Variants in EPHB2 observed in about 807,000 individuals in gnomAD.
EPHB2 encodes ephrin type-B receptor 2.
EPHB2 carries 18 observed loss-of-function variants against 96.4 expected under a neutral mutation model. That is an observed-to-expected ratio of 0.19 (90% CI 0.13 to 0.28). EPHB2 has a LOEUF of 0.28. EPHB2 is among the 10% of genes least tolerant of loss of function. The pLI is 1.00. For synonymous variants in EPHB2, 506 were observed against 534.1 expected (o/e 0.95, Z 0.72); for missense variants, 989 against 1,355.4 (o/e 0.73, Z 4.25).
chr1:22,908,923 T>G, intron 12 of EPHB2, 99 bp from the exon 13 acceptor site: 975 of 1,532,162 alleles, frequency 6.4e-4, no homozygotes, highest in Non-Finnish European at 7.8e-4. Flanking sequence ...AGGTGCCTCA[T>G]GAGATTGGGG....
chr1:22,911,471 C>T (rs989931950), intron 14 of EPHB2, among the ~76,000 whole-genome samples: 1 of 152,156 alleles, frequency 6.6e-6, no homozygotes, highest in Non-Finnish European at 1.5e-5. Context: ...CCCATCTGTG[C>T]CCCCACACTG....
chr1:22,856,257 G>T (rs576574562), intron 3 of EPHB2, among the ~76,000 whole-genome samples: 1 of 152,248 alleles, frequency 6.6e-6, no homozygotes, highest in East Asian at 1.9e-4. Context: ...GTCCTGCCTC[G>T]GCCTGACTCA....
At chr1:22,892,446 TG>T (rs1181722446) in intron 6 of EPHB2, among the ~76,000 whole-genome samples, 4 of 152,352 alleles carry the variant, frequency 2.6e-5, no homozygotes, top group South Asian at 4.1e-4. Flanking sequence ...TTTATGTCTG[TG>T]GGTCAATAGG....
chr1:22,864,836 C>T (rs1638410912), intron 4 of EPHB2, 41 bp from the exon 5 acceptor site: 3 of 1,352,390 alleles, frequency 2.2e-6, no homozygotes, highest in Non-Finnish European at 1.0e-6. Flanking sequence ...GAATAGTACC[C>T]CCTGAGCCCC....
intron 3 of EPHB2, among the ~76,000 whole-genome samples, chr1:22,803,631 GTGTATATATATGTGTATATATATATA>G (rs1187137135): frequency 0.013 from 59 of 4,590 alleles, no homozygotes; most frequent in African/African-American, 0.044. Context: ...ATATATATAT[GTGTATATATATGTGTATATATATATA>G]TGTGTATATA....
At chr1:22,775,218 T>C (rs776503427) in intron 1 of EPHB2, 6 of 779,848 alleles carry the variant, frequency 7.7e-6, no homozygotes, top group Non-Finnish European at 1.4e-5. Context: ...GTTCCAGTCC[T>C]AGCCCTGCCT....
At chr1:22,797,309 T>C (rs1458198199) in intron 3 of EPHB2, among the ~76,000 whole-genome samples, 1 of 152,202 alleles carries the variant, frequency 6.6e-6, no homozygotes, top group African/African-American at 2.4e-5. Context: ...GCCAAGTCAG[T>C]GGGAGACATG....
chr1:22,885,906 T>A (rs1050195573), intron 6 of EPHB2, among the ~76,000 whole-genome samples: 8 of 151,998 alleles, frequency 5.3e-5, no homozygotes, highest in African/African-American at 1.9e-4. Flanking sequence ...CATCTGCCAG[T>A]GGGGAGATGG....
intron 3 of EPHB2, among the ~76,000 whole-genome samples, chr1:22,854,815 T>TGCCCA (rs993836541): frequency 2.6e-5 from 4 of 152,252 alleles, no homozygotes; most frequent in South Asian, 4.2e-4. Flanking sequence ...CCAGGCATCA[T>TGCCCA]GCCCAGCCCA....
At chr1:22,885,532 C>A (rs1386930090) in intron 6 of EPHB2, among the ~76,000 whole-genome samples, 2 of 152,252 alleles carry the variant, frequency 1.3e-5, no homozygotes, top group Non-Finnish European at 2.9e-5. Flanking sequence ...CACGTCACCT[C>A]TAGCATCTCA....
chr1:22,821,850 G>A (rs1012891887), intron 3 of EPHB2, among the ~76,000 whole-genome samples: 6 of 152,176 alleles, frequency 3.9e-5, no homozygotes, highest in Admixed American at 6.5e-5. Context: ...GTCAGTTTAC[G>A]AGATACTCTG....
rs1645246681 is a variant in EPHB2, at chr1:22,827,880, C to T, written c.812-35157C>T. On this transcript the variant is annotated intron_variant, in intron 3 of 15. Transcript: ENST00000374630. ...AGGTGACAGACCCTTGGCCTTGCTCCAGGGGCCTTCACCATCCACATGCAT... is the reference window on the plus strand; with the variant it reads ...AGGTGACAGACCCTTGGCCTTGCTCTAGGGGCCTTCACCATCCACATGCAT... 3.3e-5 allele frequency among the ~76,000 whole-genome samples: 5 copies of T among 152,378 alleles called. No homozygotes were observed. The East Asian group carries it at 5.8e-4, about 18-fold the overall frequency.
chr1:22,910,195 A>T (rs1481315187), intron 13 of EPHB2, among the ~76,000 whole-genome samples, 187 bp from the exon 14 acceptor site: 2 of 152,124 alleles, frequency 1.3e-5, no homozygotes, highest in South Asian at 4.1e-4. Flanking sequence ...GCCATGTCAG[A>T]TTGAGGGTCT....
At chr1:22,745,481 T>C (rs1643959635) in intron 1 of EPHB2, among the ~76,000 whole-genome samples, 1 of 152,212 alleles carries the variant, frequency 6.6e-6, no homozygotes, top group Non-Finnish European at 1.5e-5. Flanking sequence ...AGGAACTTTT[T>C]GAGTGGTAGT....
In EPHB2 at chr1:22,858,593, C is replaced by T. The variant is rs1645741022; in HGVS notation, c.812-4444C>T. 6.6e-6 allele frequency among the ~76,000 whole-genome samples: 1 copy of T among 152,180 alleles called. No homozygotes were observed. Among genetic ancestry groups the T allele is most frequent in the African/African-American group, 2.4e-5 (1 of 41,436 alleles). On this transcript the variant is annotated intron_variant, in intron 3 of 15. Coordinates refer to ENST00000374630, the MANE Select transcript of EPHB2 (RefSeq NM_017449.5). The surrounding 1 kb of genome is among the most constrained non-coding windows in gnomAD (Gnocchi z 7.7). ...TGTTTCAGGTCTCATTGTCTTCTTC[C>T]CACTTCTGCACGTGACATGCAGGTG...
At chr1:22,834,591 TG>T (rs1264140539) in intron 3 of EPHB2, among the ~76,000 whole-genome samples, 1 of 151,882 alleles carries the variant, frequency 6.6e-6, no homozygotes, top group African/African-American at 2.4e-5. Context: ...TGTAAACAAA[TG>T]AGCCTGGCTG....
intron 1 of EPHB2, among the ~76,000 whole-genome samples, chr1:22,760,652 T>G (rs1252788613): frequency 1.3e-5 from 2 of 152,032 alleles, no homozygotes; most frequent in Non-Finnish European, 2.9e-5. Flanking sequence ...GTGATATAAC[T>G]CGGGGAGATG....
At chr1:22,743,291 G>A (rs998591430) in intron 1 of EPHB2, among the ~76,000 whole-genome samples, 6 of 152,162 alleles carry the variant, frequency 3.9e-5, no homozygotes, top group Admixed American at 6.5e-5. Flanking sequence ...TGGTGATGCC[G>A]CCCGTACACC....
intron 3 of EPHB2, among the ~76,000 whole-genome samples, chr1:22,840,564 G>T (rs774090613): frequency 3.3e-5 from 5 of 152,186 alleles, no homozygotes; most frequent in Non-Finnish European, 7.3e-5. Context: ...GGGCGCAAGC[G>T]ATTCTCGTGC....
Sources: gnomAD v4.1 joint callset for allele counts (sites outside exome capture counted in the v4.1 genomes callset) on GRCh38, gnomAD v4.1.1 for gene constraint, Gnocchi (gnomAD v3.1) non-coding constraint, MANE v1.5 for transcripts, NCBI Gene and HGNC (gene_info 2026-07-23, HGNC 2026-07-21) for gene names.